Variants in KCNC4 observed in about 807,000 individuals in gnomAD.
The protein encoded by KCNC4 is potassium voltage-gated channel subfamily C member 4, also known as voltage-gated potassium channel KCNC4.
In KCNC4, 23 loss-of-function variants were observed where a neutral mutation model predicts 42.8. The observed-to-expected ratio is 0.54, with a 90% CI of 0.39 to 0.76. KCNC4 has a LOEUF of 0.76. KCNC4 is among the 30% of genes least tolerant of loss of function. The pLI, the probability that KCNC4 is intolerant of heterozygous loss-of-function variation, is 0.00. For missense variants in KCNC4, 751 were observed against 898.2 expected, an observed-to-expected ratio of 0.84 and a Z score of 2.10; for synonymous variants, 422 against 393.5, an observed-to-expected ratio of 1.07 and a Z score of -0.86.
downstream of KCNC4, among the ~76,000 whole-genome samples, chr1:110,249,870 C>A (rs571219727): frequency 3.9e-5 from 6 of 152,256 alleles, no homozygotes; most frequent in Non-Finnish European, 7.4e-5. Context: ...CAAACTGAGA[C>A]TCTGCACCCA....
intron 1 of KCNC4, chr1:110,222,068 C>G (rs1658129921): frequency 6.6e-6 from 1 of 152,196 alleles, no homozygotes; most frequent in Non-Finnish European, 1.5e-5. Flanking sequence ...CGTATGGTTC[C>G]TTTTTCTTTG....
Position 110,223,389 on chromosome 1 carries a change from C to T in KCNC4, c.1104C>T (p.Arg368=), listed in dbSNP as rs922553262. The change falls in exon 2 of 4, where the codon CGC becomes CGT. Residue 368 remains arginine (R), a synonymous_variant. Coordinates refer to ENST00000438661, the MANE Select transcript of KCNC4 (RefSeq NM_001039574.3). This position sits in a 1 kb window ranked among gnomAD's most constrained non-coding sequence, Gnocchi z 7.5. ...TCACACGCCACTTCGTGGGGCTACGCGTGCTGGGCCACACCCTGAGGGCCA... is the reference window on the plus strand; with the variant it reads ...TCACACGCCACTTCGTGGGGCTACGTGTGCTGGGCCACACCCTGAGGGCCA... The part of the protein sequence containing the change: ...FKLTRHFVGL[R]VLGHTLRAST... The T allele has an allele frequency of 8.1e-6, 13 of 1,613,792 alleles. No individual in the cohort carries two copies. The African/African-American group carries it at 1.2e-4, about 15-fold the overall frequency.
chr1:110,274,676 T>A (rs1473526687), intron 1 of KCNC4, among the ~76,000 whole-genome samples: 1 of 151,978 alleles, frequency 6.6e-6, no homozygotes, highest in Non-Finnish European at 1.5e-5. Context: ...CAAAGATCAA[T>A]AGAACAGAAT....
downstream of KCNC4, among the ~76,000 whole-genome samples, chr1:110,284,022 A>G (rs566174802): frequency 2.0e-5 from 3 of 152,330 alleles, no homozygotes; most frequent in South Asian, 6.2e-4. Flanking sequence ...GGGGATATTA[A>G]TGATGATTTC....
downstream of KCNC4, among the ~76,000 whole-genome samples, chr1:110,249,572 C>G (rs1260541682): frequency 1.3e-5 from 2 of 152,146 alleles, no homozygotes; most frequent in Non-Finnish European, 2.9e-5. Flanking sequence ...ACTGATTAAT[C>G]AATCCCCCCT....
At chr1:110,213,614 G>C (rs1035900065) in intron 1 of KCNC4, among the ~76,000 whole-genome samples, 1 of 152,210 alleles carries the variant, frequency 6.6e-6, no homozygotes, top group African/African-American at 2.4e-5. Context: ...AGGCAGCCAC[G>C]AGAAGGCAGG....
intron 1 of KCNC4, chr1:110,220,396 G>T (rs191295846): frequency 6.6e-6 from 1 of 152,286 alleles, no homozygotes. Flanking sequence ...TGAGCCCATG[G>T]TGGTGGCAGT....
downstream of KCNC4, among the ~76,000 whole-genome samples, chr1:110,283,383 TTTTTGGTACCAAGC>T: frequency 6.6e-6 from 1 of 152,334 alleles, no homozygotes; most frequent in Non-Finnish European, 1.5e-5. Flanking sequence ...AAGTATTCCC[TTTTTGGTACCAAGC>T]TTACCCAGAA....
intron 3 of KCNC4, among the ~76,000 whole-genome samples, chr1:110,227,348 C>G (rs1174593496): frequency 6.6e-6 from 1 of 152,198 alleles, no homozygotes; most frequent in Non-Finnish European, 1.5e-5. Flanking sequence ...CTTTCAGTAC[C>G]ACTCTCCCCA....
chr1:110,276,299 CAAAAAA>C (rs3062031), intron 1 of KCNC4, among the ~76,000 whole-genome samples: 1,202 of 98,888 alleles, frequency 0.012, 11 homozygotes, highest in African/African-American at 0.033. Flanking sequence ...TCAATTTATA[CAAAAAA>C]AAAAAAAAAA....
chr1:110,254,178 A>G (rs918774318), intron 1 of KCNC4, among the ~76,000 whole-genome samples: 8 of 151,766 alleles, frequency 5.3e-5, no homozygotes, highest in African/African-American at 1.9e-4. Flanking sequence ...GTCCCCCATC[A>G]GACATATCTG....
chr1:110,222,880 CCTT>C (rs1658174040), intron 1 of KCNC4, 81 bp from the exon 2 acceptor site: 6 of 1,000,334 alleles, frequency 6.0e-6, no homozygotes, highest in Non-Finnish European at 9.1e-6. Context: ...TTCCTGGTAA[CCTT>C]CATGCAGAAG....
chr1:110,211,229 G>A lies in KCNC4; in HGVS notation c.-271G>A, dbSNP rs1657425388. The A allele has an allele frequency of 4.0e-6, 2 of 496,362 alleles. No homozygotes were observed. The highest frequency in any genetic ancestry group is 7.2e-6 in the Non-Finnish European group (2 of 277,752). 30.7% of individuals were successfully genotyped at this position (496,362 alleles called of 1,614,324 possible). ...GTAGCGGGGGACCGCGTGTGTGCTT[G>A]CTTCTACTTCCCCGGGTCCTCCCTC... On this transcript the variant is annotated 5_prime_UTR_variant, in exon 1 of 4. Coordinates refer to ENST00000438661, the MANE Select transcript of KCNC4 (RefSeq NM_001039574.3). The surrounding 1 kb of genome is among the most constrained non-coding windows in gnomAD (Gnocchi z 6.5).
downstream of KCNC4, among the ~76,000 whole-genome samples, chr1:110,251,489 C>A (rs997107047): frequency 6.6e-6 from 1 of 152,200 alleles, no homozygotes; most frequent in Non-Finnish European, 1.5e-5. Flanking sequence ...TGAGGCACCC[C>A]CAGCCATGTG....
chr1:110,217,135 G>A (rs1383132632), intron 1 of KCNC4, among the ~76,000 whole-genome samples: 2 of 152,190 alleles, frequency 1.3e-5, no homozygotes, highest in Non-Finnish European at 1.5e-5. Flanking sequence ...TAGAGTAAGT[G>A]GCAGTCAAGG....
At chr1:110,262,579 A>G (rs996724316) in intron 1 of KCNC4, among the ~76,000 whole-genome samples, 9 of 152,178 alleles carry the variant, frequency 5.9e-5, no homozygotes, top group African/African-American at 2.2e-4. Flanking sequence ...TTTAAGGTCC[A>G]TTTACTTGAC....
intron 1 of KCNC4, among the ~76,000 whole-genome samples, chr1:110,262,692 C>A (rs1004184731): frequency 6.6e-6 from 1 of 152,326 alleles, no homozygotes; most frequent in Non-Finnish European, 1.5e-5. Flanking sequence ...ACCCACCTTT[C>A]TCCAATACTT....
At chr1:110,273,955 C>A (rs1424049022) in intron 1 of KCNC4, among the ~76,000 whole-genome samples, 2 of 151,996 alleles carry the variant, frequency 1.3e-5, no homozygotes, top group East Asian at 1.9e-4. Context: ...AGGACTAAAA[C>A]GTTATTAAGA....
At chr1:110,212,680 A>G (rs894048676) in intron 1 of KCNC4, among the ~76,000 whole-genome samples, 14 of 152,192 alleles carry the variant, frequency 9.2e-5, no homozygotes, top group Non-Finnish European at 1.2e-4. Flanking sequence ...GCTCACAACT[A>G]TGCACTTCAG....
Sources: gnomAD v4.1 joint callset for allele counts (sites outside exome capture counted in the v4.1 genomes callset) on GRCh38, gnomAD v4.1.1 for gene constraint, Gnocchi (gnomAD v3.1) non-coding constraint, MANE v1.5 for transcripts, NCBI Gene and HGNC (gene_info 2026-07-23, HGNC 2026-07-21) for gene names.